BBS4: variants seen among roughly 807,000 people sequenced by gnomAD.
The protein encoded by BBS4 is Bardet-Biedl syndrome 4, also known as BBSome complex member BBS4.
Under a neutral mutation model 71.4 loss-of-function variants are expected in BBS4, and 58 were observed. The ratio of observed to expected loss-of-function variants is 0.81; its 90% confidence interval spans 0.66 to 1.01. The LOEUF (loss-of-function observed/expected upper bound fraction) is 1.01, where lower values mean the gene tolerates loss of function less well. Ranked by LOEUF, BBS4 falls within the 50% of genes least tolerant of loss-of-function variation. BBS4 has a pLI of 0.00. For synonymous variants in BBS4, 228 were observed against 216.8 expected, an observed-to-expected ratio of 1.05 and a Z score of -0.46; for missense variants, 660 against 607.9, an observed-to-expected ratio of 1.09 and a Z score of -0.90.
intron 12 of BBS4, among the ~76,000 whole-genome samples, chr15:72,734,625 A>G (rs1266065982): frequency 6.6e-6 from 1 of 152,156 alleles, no homozygotes; most frequent in Non-Finnish European, 1.5e-5. Flanking sequence ...CAGGGCTTCC[A>G]GAGCAGCTGT....
At chr15:72,694,372 G>A (rs961708567) in intron 1 of BBS4, among the ~76,000 whole-genome samples, 12 of 151,926 alleles carry the variant, frequency 7.9e-5, no homozygotes, top group African/African-American at 2.7e-4. Flanking sequence ...TGTATATTTA[G>A]TAGAGACGGG....
rs980205433 is a variant in BBS4 at position 72,715,416 on chromosome 15, A to T, written c.332+14A>T. The T allele has an allele frequency of 6.4e-7, 1 of 1,569,992 alleles. No individual in the cohort carries two copies. The highest frequency in any genetic ancestry group is 1.7e-5 in the Admixed American group (1 of 59,974). On this transcript the variant is annotated intron_variant, in intron 5 of 15. Transcript: ENST00000268057. ...GGCCAGATCTTTGTGAGTATTGGCA[A>T]CCTGGAGGCCCTAGGGCACTCACAG...
In BBS4 at chr15:72,729,619, G is replaced by A. The variant is rs201496378; in HGVS notation, c.646G>A (p.Gly216Ser). The A allele has an allele frequency of 3.1e-6, 5 of 1,613,708 alleles. No individual in the cohort carries two copies. The African/African-American group carries it at 4.0e-5, about 13-fold the overall frequency. The change falls in exon 10 of 16, where the codon GGC becomes AGC. Residue 216 changes from glycine (G) to serine (S), a missense_variant. Gly to Ser is a moderately conservative substitution (Grantham distance 56). Coordinates refer to ENST00000268057, the MANE Select transcript of BBS4 (RefSeq NM_033028.5). ...TTLGLLYLQL[G>S]IYQKAFEHLG... The stretch of plus-strand genomic sequence containing the variant: ...TCTTGTTTGCTTTTTTTCCAAGCTC[G>A]GCATTTACCAGAAGGCATTTGAACA...
At chr15:72,686,689 A>AT in intron 1 of BBS4, 1 of 760,658 alleles carries the variant, frequency 1.3e-6, no homozygotes, top group Admixed American at 2.6e-5. Context: ...TTCTGTGGTG[A>AT]TTAAGTTTAG....
chr15:72,691,778 C>T (rs2064988174), intron 1 of BBS4, among the ~76,000 whole-genome samples: 1 of 152,122 alleles, frequency 6.6e-6, no homozygotes, highest in Admixed American at 6.5e-5. Context: ...TCCTGGCCAA[C>T]ATGGTGCAAC....
chr15:72,712,011 A>T (rs1595924031), intron 3 of BBS4, among the ~76,000 whole-genome samples: 1 of 151,852 alleles, frequency 6.6e-6, no homozygotes, highest in African/African-American at 2.4e-5. Context: ...GGGATTACAG[A>T]CACGCACCAC....
At chr15:72,725,408 C>T (rs1411959973) in intron 8 of BBS4, among the ~76,000 whole-genome samples, 4 of 151,998 alleles carry the variant, frequency 2.6e-5, no homozygotes, top group Admixed American at 6.6e-5. Flanking sequence ...TTGCACACAT[C>T]GTTCCTGCTT....
chr15:72,716,709 T>C (rs1261031555), intron 5 of BBS4, 69 bp from the exon 6 acceptor site: 2 of 1,094,320 alleles, frequency 1.8e-6, no homozygotes, highest in Non-Finnish European at 2.7e-6. Context: ...ATGATTAAAA[T>C]GTGGGACTAG....
intron 9 of BBS4, among the ~76,000 whole-genome samples, chr15:72,728,213 A>T (rs1242018476): frequency 6.6e-6 from 1 of 152,154 alleles, no homozygotes; most frequent in African/African-American, 2.4e-5. Context: ...TATAATTCTT[A>T]TCTAGGCTGG....
At chr15:72,736,273 G>C (rs1018112059) in intron 14 of BBS4, among the ~76,000 whole-genome samples, 1 of 124,586 alleles carries the variant, frequency 8.0e-6, no homozygotes, top group Admixed American at 1.0e-4. Context: ...ACGGAATCTC[G>C]CTCTGTTGCC....
intron 3 of BBS4, among the ~76,000 whole-genome samples, chr15:72,710,771 T>C (rs1317775474): frequency 6.6e-6 from 1 of 152,022 alleles, no homozygotes; most frequent in Non-Finnish European, 1.5e-5. Context: ...CATACTGGTA[T>C]GACAAAGATT....
At chr15:72,689,845 C>T (rs573333518) in intron 1 of BBS4, among the ~76,000 whole-genome samples, 1 of 151,642 alleles carries the variant, frequency 6.6e-6, no homozygotes, top group Non-Finnish European at 1.5e-5. Context: ...GAGTCTTGCT[C>T]TGTCGCCCAG....
At chr15:72,714,363 T>A (rs1045348388) in intron 4 of BBS4, among the ~76,000 whole-genome samples, 16 of 152,074 alleles carry the variant, frequency 1.1e-4, no homozygotes, top group South Asian at 1.0e-3. Context: ...TTAGCTGGGA[T>A]TACAGGCACA....
chr15:72,726,143 G>T (rs138188684), intron 8 of BBS4, among the ~76,000 whole-genome samples: 3 of 143,270 alleles, frequency 2.1e-5, no homozygotes, highest in Non-Finnish European at 4.5e-5. Flanking sequence ...CAACAGTCTC[G>T]CTCTGTCGCC....
At chr15:72,687,166 T>TAC (rs2150985551) in intron 1 of BBS4, among the ~76,000 whole-genome samples, 1 of 120,320 alleles carries the variant, frequency 8.3e-6, no homozygotes, top group Non-Finnish European at 1.7e-5. Flanking sequence ...CGGCCCGGGC[T>TAC]GGAGTGCAAT....
At position 72,738,106 on chromosome 15, in the gene BBS4, AAAAGCCCTGG is replaced by A. The variant is rs1185899468; in HGVS notation, c.*522_*531del. On this transcript the variant is annotated 3_prime_UTR_variant, in exon 16 of 16. Transcript: ENST00000268057. The stretch of plus-strand genomic sequence containing the variant: ...AGTATACATTTAAAAGAAAAAAAAC[AAAAGCCCTGG>A]AAGTTGAGGCCAAGCCTGCTGAGTA... 4.4e-6 allele frequency: 2 copies of A among 452,976 alleles called. No individual in the cohort carries two copies. The highest frequency in any genetic ancestry group is 3.1e-5 in the South Asian group (2 of 64,176). The allele number at this position is 452,976 out of a possible 1,614,324, so 28.1% of individuals were successfully genotyped here. A position where few individuals can be genotyped will look rare whatever the true frequency, so the allele number is the denominator to read the frequency against.
At chr15:72,714,998 G>C (rs1285865775) in intron 4 of BBS4, among the ~76,000 whole-genome samples, 1 of 152,220 alleles carries the variant, frequency 6.6e-6, no homozygotes, top group Non-Finnish European at 1.5e-5. Flanking sequence ...AATGTGAAGA[G>C]TTTGTGTGAT....
Position 72,737,765 on chromosome 15 carries a change from G to A in BBS4, c.*178G>A, listed in dbSNP as rs1332667853. ...CTACCTACCTGGTATTGGCATTTGA[G>A]GTCGGAAACCCTCTACTGCCCCATA... is the stretch of plus-strand genomic sequence containing the variant. On this transcript the variant is annotated 3_prime_UTR_variant, in exon 16 of 16. Coordinates refer to ENST00000268057, the MANE Select transcript of BBS4 (RefSeq NM_033028.5). The A allele has an allele frequency of 4.7e-6, 3 of 644,430 alleles. No homozygotes were observed. The highest frequency in any genetic ancestry group is 2.1e-5 in the Admixed American group (1 of 47,822). 39.9% of individuals were successfully genotyped at this position (644,430 alleles called of 1,614,324 possible).
At position 72,731,363 on chromosome 15, in the gene BBS4, C is replaced by G. The variant is rs993204306; in HGVS notation, c.770C>G (p.Thr257Ser). The G allele has an allele frequency of 1.2e-6, 2 of 1,614,092 alleles. No individual in the cohort carries two copies. The highest frequency in any genetic ancestry group is 1.7e-6 in the Non-Finnish European group (2 of 1,180,016). ...QTHGDFDVAL[T>S]KYRVVACAVP... ...CACGGGGACTTTGATGTTGCCCTCA[C>G]CAAATACAGAGTTGTGGCTTGTGCT... Residue 257 changes from threonine (T) to serine (S), a missense_variant, in exon 11 of 16, where the codon ACC becomes AGC. By Grantham distance (58) the Thr-to-Ser change is moderately conservative. Coordinates refer to ENST00000268057, the MANE Select transcript of BBS4 (RefSeq NM_033028.5).
Sources: allele counts gnomAD v4.1 joint callset (sites outside exome capture counted in the v4.1 genomes callset), GRCh38; gene constraint gnomAD v4.1.1; transcripts MANE v1.5; gene names NCBI Gene and HGNC (gene_info 2026-07-23, HGNC 2026-07-21).